The following VPS41 variants were observed in gnomAD, a reference collection of about 807,000 sequenced individuals.
VPS41 encodes the protein vacuolar protein sorting-associated protein 41 homolog.
A neutral mutation model predicts 130.9 loss-of-function variants in VPS41; 85 were observed. That is an observed-to-expected ratio of 0.65 (90% confidence interval 0.55 to 0.78). The LOEUF (loss-of-function observed/expected upper bound fraction) is 0.78, where lower values mean the gene tolerates loss of function less well. Among genes scored for constraint, VPS41 ranks in the 30% least tolerant of loss-of-function variants. The pLI is 0.00. For synonymous variants in VPS41, 335 were observed against 332.9 expected, an observed-to-expected ratio of 1.01 and a Z score of -0.07; for missense variants, 874 against 1,018.7, an observed-to-expected ratio of 0.86 and a Z score of 1.93.
chr7:38,737,739 A>T (rs886540419), intron 25 of VPS41, among the ~76,000 whole-genome samples: 1 of 152,166 alleles, frequency 6.6e-6, no homozygotes, highest in African/African-American at 2.4e-5. Context: ...TCACAGTGGA[A>T]ACTCCTGAGT....
At chr7:38,850,677 G>GC (rs1173358871) in intron 4 of VPS41, among the ~76,000 whole-genome samples, 1 of 152,028 alleles carries the variant, frequency 6.6e-6, no homozygotes, top group Admixed American at 6.6e-5. Flanking sequence ...CATCACATGA[G>GC]CCACCCCTGA....
chr7:38,726,808 TA>T, intron 28 of VPS41, 100 bp downstream of exon 28: 7 of 1,025,066 alleles, frequency 6.8e-6, no homozygotes, highest in Non-Finnish European at 6.7e-6. Context: ...AATTTTTTTT[TA>T]ACCCATACAG....
intron 9 of VPS41, among the ~76,000 whole-genome samples, chr7:38,793,264 C>A (rs577023736): frequency 6.6e-6 from 1 of 152,158 alleles, no homozygotes; most frequent in African/African-American, 2.4e-5. Flanking sequence ...ACTGCAGGCA[C>A]CTGGTAAACG....
intron 9 of VPS41, among the ~76,000 whole-genome samples, chr7:38,793,198 AG>A (rs1275057619): frequency 1.3e-5 from 2 of 152,366 alleles, no homozygotes; most frequent in Non-Finnish European, 1.5e-5. Context: ...TCCCAAGGGA[AG>A]GAACTCATTC....
chr7:38,749,187 T>C (rs760236047), intron 22 of VPS41, among the ~76,000 whole-genome samples: 6 of 152,172 alleles, frequency 3.9e-5, no homozygotes, highest in Non-Finnish European at 7.3e-5. Context: ...GGGCTTTTGA[T>C]GTGACGTCAG....
chr7:38,755,837 A>G (rs901794514), intron 19 of VPS41, among the ~76,000 whole-genome samples: 2 of 152,188 alleles, frequency 1.3e-5, no homozygotes, highest in Non-Finnish European at 2.9e-5. Context: ...AGGAAAATGT[A>G]ATTAATTTTT....
chr7:38,849,169 G>GGGA (rs759849868), intron 4 of VPS41, among the ~76,000 whole-genome samples: 85 of 152,134 alleles, frequency 5.6e-4, no homozygotes, highest in Non-Finnish European at 1.2e-3. Context: ...GGCATGTGAT[G>GGGA]GGAGTGTGGC....
At chr7:38,884,817 G>A (rs537078729) in intron 2 of VPS41, among the ~76,000 whole-genome samples, 1 of 152,216 alleles carries the variant, frequency 6.6e-6, no homozygotes, top group African/African-American at 2.4e-5. Flanking sequence ...CCCTCATCTG[G>A]TACAAAGCAG....
At chr7:38,749,238 G>T (rs968122963) in intron 22 of VPS41, among the ~76,000 whole-genome samples, 1 of 152,042 alleles carries the variant, frequency 6.6e-6, no homozygotes, top group Non-Finnish European at 1.5e-5. Flanking sequence ...TTGATTGTGG[G>T]ATTTCAATCA....
intron 4 of VPS41, among the ~76,000 whole-genome samples, chr7:38,851,820 T>G (rs1584427649): frequency 6.6e-6 from 1 of 152,256 alleles, no homozygotes; most frequent in Admixed American, 6.5e-5. Flanking sequence ...ATACTTGGTA[T>G]GATTAGTCTT....
At chr7:38,728,432 A>G (rs1795590591) in intron 27 of VPS41, 110 bp downstream of exon 27, 1 of 1,205,972 alleles carries the variant, frequency 8.3e-7, no homozygotes, top group Non-Finnish European at 1.2e-6. Context: ...CCACTGGGTT[A>G]TTCTGAAAGT....
At chr7:38,841,467 G>A (rs1785606535) in intron 4 of VPS41, among the ~76,000 whole-genome samples, 1 of 152,168 alleles carries the variant, frequency 6.6e-6, no homozygotes, top group Non-Finnish European at 1.5e-5. Context: ...AATGGCTGGG[G>A]GAAGGGTCAC....
At chr7:38,905,258 G>C (rs1440096050) in intron 1 of VPS41, among the ~76,000 whole-genome samples, 1 of 152,074 alleles carries the variant, frequency 6.6e-6, no homozygotes, top group Non-Finnish European at 1.5e-5. Context: ...CAAACAACCA[G>C]ACTTCAAGCA....
intron 4 of VPS41, among the ~76,000 whole-genome samples, 153 bp from the exon 5 acceptor site, chr7:38,830,481 T>A (rs1249329979): frequency 6.6e-6 from 1 of 152,198 alleles, no homozygotes; most frequent in Non-Finnish European, 1.5e-5. Context: ...GTAGAAACTA[T>A]GAGAAGAAAA....
chr7:38,858,488 A>G (rs1161733587), intron 4 of VPS41, among the ~76,000 whole-genome samples: 1 of 152,188 alleles, frequency 6.6e-6, no homozygotes, highest in African/African-American at 2.4e-5. Flanking sequence ...TTTTTCACGA[A>G]TCCTAAGAGG....
chr7:38,775,942 T>C (rs191489495), intron 11 of VPS41, among the ~76,000 whole-genome samples: 3 of 152,282 alleles, frequency 2.0e-5, no homozygotes, highest in East Asian at 1.9e-4. Flanking sequence ...TCCTTTACAG[T>C]ATGCTTTCCT....
intron 17 of VPS41, 27 bp downstream of exon 17, chr7:38,763,428 A>C: frequency 6.8e-7 from 1 of 1,476,410 alleles, no homozygotes; most frequent in Non-Finnish European, 9.2e-7. Flanking sequence ...GAGAACAAGT[A>C]AATATGACCA....
intron 4 of VPS41, among the ~76,000 whole-genome samples, chr7:38,848,827 C>T (rs1785784331): frequency 6.6e-6 from 1 of 152,138 alleles, no homozygotes; most frequent in Admixed American, 6.5e-5. Flanking sequence ...AGAGTTTCTT[C>T]TCTAATCATT....
At chr7:38,880,633 T>C (rs1173755497) in intron 2 of VPS41, among the ~76,000 whole-genome samples, 4 of 152,170 alleles carry the variant, frequency 2.6e-5, no homozygotes, top group African/African-American at 9.7e-5. Context: ...ACTCAGGTCT[T>C]TGGGGAAAAC....
Sources: allele counts gnomAD v4.1 joint callset (sites outside exome capture counted in the v4.1 genomes callset), GRCh38; gene constraint gnomAD v4.1.1; transcripts MANE v1.5; gene names NCBI Gene and HGNC (gene_info 2026-07-23, HGNC 2026-07-21).